Variants in NMI observed in about 807,000 individuals in gnomAD.
The protein encoded by NMI is N-myc and STAT interactor.
A neutral mutation model predicts 34.3 loss-of-function variants in NMI; 39 were observed. The observed-to-expected ratio is 1.14, with a 90% CI of 0.88 to 1.49. The LOEUF is 1.49. Ranked by LOEUF, NMI falls within the 40% of genes most tolerant of loss-of-function variation. The pLI is 0.00. For missense variants in NMI, 339 were observed against 358.1 expected, an observed-to-expected ratio of 0.95 and a Z score of 0.43; for synonymous variants, 113 against 120.3, an observed-to-expected ratio of 0.94 and a Z score of 0.40.
In NMI at chr2:151,278,851, A is replaced by T; in HGVS notation, c.317T>A (p.Leu106His). Reference sequence around the variant, plus strand: ...ACCTTCTTCTTTTTCAAAGGTGATAAGTGCTTGTCCTTTTTGTATCTCATA... The same window carrying T: ...ACCTTCTTCTTTTTCAAAGGTGATATGTGCTTGTCCTTTTTGTATCTCATA... ...VPYEIQKGQA[L>H]ITFEKEEVAQ... The change falls in exon 4 of 8, where the codon CTT (leucine) becomes CAT (histidine). Residue 106 changes from leucine (L) to histidine (H), a missense_variant. By Grantham distance (99) the Leu-to-His change is moderately conservative. Coordinates refer to ENST00000243346, the MANE Select transcript of NMI (RefSeq NM_004688.3). 1 of 1,613,458 alleles carries T rather than the reference A, an allele frequency of 6.2e-7. No homozygotes were observed. The highest frequency in any genetic ancestry group is 8.5e-7 in the Non-Finnish European group (1 of 1,179,660).
intron 2 of NMI, 114 bp from the exon 3 acceptor site, chr2:151,282,157 T>A: frequency 1.7e-6 from 1 of 604,050 alleles, no homozygotes; most frequent in Non-Finnish European, 2.9e-6. Context: ...CATTAGACAG[T>A]CTCAGAATAA....
intron 4 of NMI, chr2:151,278,170 C>T (rs1230129141): frequency 2.0e-5 from 3 of 152,190 alleles, no homozygotes; most frequent in African/African-American, 7.2e-5. Flanking sequence ...CTGTATAAAA[C>T]CCTGAGGTTT....
intron 4 of NMI, chr2:151,277,284 C>T (rs539101583): frequency 1.3e-5 from 2 of 152,188 alleles, no homozygotes; most frequent in East Asian, 1.9e-4. Flanking sequence ...CTAATGACAA[C>T]AGACAATAAC....
At chr2:151,286,318 C>A (rs1279652747) in intron 1 of NMI, among the ~76,000 whole-genome samples, 1 of 152,166 alleles carries the variant, frequency 6.6e-6, no homozygotes, top group Non-Finnish European at 1.5e-5. Context: ...CTGCCCTGTT[C>A]TCTTCAAAAG....
rs746654572 is a variant in NMI at position 151,271,676 on chromosome 2, G to C, written c.691C>G (p.His231Asp). Residue 231 changes from histidine to aspartate, a missense_variant, in exon 7 of 8, where the codon CAT (histidine) becomes GAT (aspartate). Transcript: ENST00000243346. The stretch of plus-strand genomic sequence containing the variant: ...GTGTATGGAGAAACAGTAACTCTAT[G>C]GCAGGTTTGATTTATATAAAGAGGG... ...EYPLYINQTCHRVTVSPYTEI... is the reference protein window; with the variant it reads ...EYPLYINQTCDRVTVSPYTEI... 1.3e-6 allele frequency: 2 copies of C among 1,590,958 alleles called. No individual in the cohort carries two copies. The highest frequency in any genetic ancestry group is 1.7e-5 in the Admixed American group (1 of 59,424).
intron 4 of NMI, 75 bp from the exon 5 acceptor site, chr2:151,275,939 A>G (rs189607860): frequency 6.4e-5 from 61 of 956,864 alleles, no homozygotes; most frequent in African/African-American, 5.8e-4. Context: ...TTAAGAACAA[A>G]TTATCCTGAA....
intron 1 of NMI, among the ~76,000 whole-genome samples, chr2:151,283,352 G>A (rs751503986): frequency 2.0e-5 from 3 of 151,994 alleles, no homozygotes; most frequent in Non-Finnish European, 4.4e-5. Context: ...ATGTCGGTCA[G>A]GCTGGTCTTG....
Position 151,270,493 on chromosome 2 carries a change from G to A in NMI, c.*200C>T. The stretch of plus-strand genomic sequence containing the variant: ...TCTATAAACAAAACTTTTTATTACA[G>A]TGCACTTATTGTAGTTGAAAACATG... On this transcript the variant is annotated 3_prime_UTR_variant, in exon 8 of 8. Coordinates refer to ENST00000243346, the MANE Select transcript of NMI (RefSeq NM_004688.3). The A allele has an allele frequency of 1.8e-6, 1 of 553,814 alleles. No homozygotes were observed. Among genetic ancestry groups the A allele is most frequent in the East Asian group, 3.0e-5 (1 of 32,870 alleles). The allele number at this position is 553,814 out of a possible 1,614,324, so 34.3% of individuals were successfully genotyped here. A position where few individuals can be genotyped will look rare whatever the true frequency, so the allele number is the denominator to read the frequency against.
intron 4 of NMI, 43 bp downstream of exon 4, chr2:151,278,785 G>A: frequency 6.8e-7 from 1 of 1,466,728 alleles, no homozygotes; most frequent in Non-Finnish European, 9.5e-7. Context: ...CTATGAAAGT[G>A]CTTTCCAAAT....
intron 6 of NMI, among the ~76,000 whole-genome samples, chr2:151,273,225 C>G (rs957397146): frequency 6.6e-6 from 1 of 151,950 alleles, no homozygotes; most frequent in African/African-American, 2.4e-5. Context: ...TTCTTAAAGC[C>G]TCAGTTTCTT....
chr2:151,282,352 T>G (rs1188904672), intron 2 of NMI, among the ~76,000 whole-genome samples: 2 of 152,244 alleles, frequency 1.3e-5, no homozygotes, highest in Non-Finnish European at 2.9e-5. Context: ...ATTACTTCAG[T>G]GCTGCATCAA....
intron 3 of NMI, among the ~76,000 whole-genome samples, chr2:151,280,210 T>A (rs201257065): frequency 4.0e-5 from 3 of 75,244 alleles, no homozygotes; most frequent in East Asian, 3.1e-4. Context: ...AAAAAAATTG[T>A]AACCTGAAAG....
intron 1 of NMI, among the ~76,000 whole-genome samples, chr2:151,286,147 A>G (rs1683491682): frequency 1.3e-5 from 2 of 152,216 alleles, no homozygotes; most frequent in Admixed American, 1.3e-4. Flanking sequence ...TAATGAGATA[A>G]TCAAAGTAAA....
chr2:151,283,478 G>A (rs1261634884), intron 1 of NMI, among the ~76,000 whole-genome samples: 1 of 152,138 alleles, frequency 6.6e-6, no homozygotes, highest in Non-Finnish European at 1.5e-5. Context: ...TATATAAAAA[G>A]ATTCTAAAAA....
intron 3 of NMI, among the ~76,000 whole-genome samples, chr2:151,280,638 C>T (rs952258193): frequency 4.6e-5 from 7 of 152,164 alleles, no homozygotes; most frequent in African/African-American, 1.7e-4. Flanking sequence ...AGGTTTGGTC[C>T]TCTGCAAAGT....
At chr2:151,280,920 G>A (rs1015574328) in intron 3 of NMI, among the ~76,000 whole-genome samples, 1 of 151,540 alleles carries the variant, frequency 6.6e-6, no homozygotes, top group African/African-American at 2.4e-5. Flanking sequence ...TCAGCTCATC[G>A]CGACCTCCGC....
At chr2:151,286,904 C>T (rs1028345602) in intron 1 of NMI, among the ~76,000 whole-genome samples, 36 of 152,136 alleles carry the variant, frequency 2.4e-4, no homozygotes, top group African/African-American at 5.8e-4. Context: ...TTTTTTTCCC[C>T]TGTGCACATT....
intron 6 of NMI, among the ~76,000 whole-genome samples, chr2:151,274,004 C>CAT (rs1445745975): frequency 6.6e-6 from 1 of 152,122 alleles, no homozygotes; most frequent in Non-Finnish European, 1.5e-5. Context: ...CTCCCTGACA[C>CAT]ATCCCACCAG....
At chr2:151,271,130 G>A (rs548615178) in intron 7 of NMI, among the ~76,000 whole-genome samples, 1 of 152,266 alleles carries the variant, frequency 6.6e-6, no homozygotes. Context: ...AGTCAGAAGT[G>A]GAGCTGGCAA....
Sources: gnomAD v4.1 joint callset for allele counts (sites outside exome capture counted in the v4.1 genomes callset) on GRCh38, gnomAD v4.1.1 for gene constraint, MANE v1.5 for transcripts, NCBI Gene and HGNC (gene_info 2026-07-23, HGNC 2026-07-21) for gene names.